The following ARK2N variants were observed in gnomAD, a reference collection of about 807,000 sequenced individuals.
The protein encoded by ARK2N is arkadia (RNF111) N-terminal like PKA signaling regulator 2N, also known as protein ARK2N.
At chr18:46,205,684 T>G in the ARK2N span, among the ~76,000 whole-genome samples, 1 of 152,210 alleles carries the variant, frequency 6.6e-6, no homozygotes, top group Non-Finnish European at 1.5e-5. Context: ...TCAAAATCTG[T>G]ATTTCTATAT....
At chr18:46,223,106 G>T in the ARK2N span, among the ~76,000 whole-genome samples, 2 of 152,250 alleles carry the variant, frequency 1.3e-5, no homozygotes, top group African/African-American at 4.8e-5. Context: ...TATTCATTGA[G>T]AAATAAGTAA....
the ARK2N span, among the ~76,000 whole-genome samples, chr18:46,248,841 C>T: frequency 5.9e-5 from 9 of 152,154 alleles, no homozygotes; most frequent in Admixed American, 5.9e-4. Flanking sequence ...CCTTGGCCTC[C>T]CAAAGTGGTG....
At chr18:46,223,876 T>G in the ARK2N span, among the ~76,000 whole-genome samples, 1 of 152,142 alleles carries the variant, frequency 6.6e-6, no homozygotes, top group African/African-American at 2.4e-5. Flanking sequence ...AAGCAGGATA[T>G]AAGAGATAAA....
At chr18:46,204,532 G>C in the ARK2N span, among the ~76,000 whole-genome samples, 100,327 of 152,072 alleles carry the variant, frequency 0.66, 33,812 homozygotes, top group Middle Eastern at 0.73. Flanking sequence ...AAAGCAACAT[G>C]GAATTCATGA....
the ARK2N span, among the ~76,000 whole-genome samples, chr18:46,248,916 A>G: frequency 6.6e-6 from 1 of 151,982 alleles, no homozygotes; most frequent in Non-Finnish European, 1.5e-5. Context: ...CCACCACACT[A>G]CTTTTCTACT....
At chr18:46,184,779 G>A in the ARK2N span, among the ~76,000 whole-genome samples, 7 of 152,246 alleles carry the variant, frequency 4.6e-5, no homozygotes, top group African/African-American at 1.7e-4. Context: ...TGAATGCAAT[G>A]GAGTCTCTTC....
chr18:46,177,385 C>G, the ARK2N span, among the ~76,000 whole-genome samples: 1 of 147,754 alleles, frequency 6.8e-6, no homozygotes, highest in African/African-American at 2.5e-5. Context: ...GTGAGAGCCC[C>G]TTTCTTTTTC....
the ARK2N span, among the ~76,000 whole-genome samples, chr18:46,260,329 A>G: frequency 1.3e-5 from 2 of 152,326 alleles, no homozygotes; most frequent in South Asian, 4.1e-4. Flanking sequence ...AATTCCATGT[A>G]CAACTATTAA....
At chr18:46,200,585 T>G in the ARK2N span, among the ~76,000 whole-genome samples, 1 of 152,092 alleles carries the variant, frequency 6.6e-6, no homozygotes, top group Non-Finnish European at 1.5e-5. Context: ...AGATTACAGA[T>G]GTGAGCCACC....
At chr18:46,245,988 A>G in the ARK2N span, among the ~76,000 whole-genome samples, 1 of 148,752 alleles carries the variant, frequency 6.7e-6, no homozygotes, top group Non-Finnish European at 1.5e-5. Context: ...AGACCTACAC[A>G]GGCAGAGACC....
chr18:46,253,841 G>A, the ARK2N span: 2 of 1,567,408 alleles, frequency 1.3e-6, no homozygotes, highest in Non-Finnish European at 1.7e-6. Context: ...ACTAATTGGA[G>A]TAGTCTGATA....
chr18:46,205,528 T>C, the ARK2N span, among the ~76,000 whole-genome samples: 1 of 152,222 alleles, frequency 6.6e-6, no homozygotes, highest in Non-Finnish European at 1.5e-5. Flanking sequence ...CCAAAAATAA[T>C]TCCTTGCCTA....
the ARK2N span, among the ~76,000 whole-genome samples, chr18:46,236,433 A>G: frequency 2.0e-5 from 3 of 152,252 alleles, no homozygotes; most frequent in Admixed American, 1.3e-4. Flanking sequence ...ATGGTTATTA[A>G]TTATTTAACA....
the ARK2N span, among the ~76,000 whole-genome samples, chr18:46,239,455 A>G: frequency 6.6e-6 from 1 of 152,180 alleles, no homozygotes; most frequent in Non-Finnish European, 1.5e-5. Flanking sequence ...CCCTGTTTTT[A>G]TAAAAGGACT....
the ARK2N span, chr18:46,265,200 T>G: frequency 1.3e-5 from 2 of 152,694 alleles, no homozygotes; most frequent in South Asian, 2.1e-4. Flanking sequence ...TCCAGGAAAT[T>G]CATAGAGAAG....
chr18:46,194,665 G>A, the ARK2N span, among the ~76,000 whole-genome samples: 7 of 149,770 alleles, frequency 4.7e-5, no homozygotes, highest in Non-Finnish European at 1.0e-4. Flanking sequence ...TAGTAGAGAC[G>A]GGGTTCCACC....
chr18:46,205,464 G>A, the ARK2N span, among the ~76,000 whole-genome samples: 2 of 152,116 alleles, frequency 1.3e-5, no homozygotes, highest in South Asian at 2.1e-4. Flanking sequence ...TCAAAAAAGC[G>A]CATTTCGAGA....
chr18:46,213,842 G>A, the ARK2N span, among the ~76,000 whole-genome samples: 97,830 of 151,812 alleles, frequency 0.64, 33,020 homozygotes, highest in Non-Finnish European at 0.75. Flanking sequence ...GACTACAGGC[G>A]CTCGCCACCA....
the ARK2N span, among the ~76,000 whole-genome samples, chr18:46,198,091 C>A: frequency 6.6e-6 from 1 of 151,860 alleles, no homozygotes; most frequent in Non-Finnish European, 1.5e-5. Flanking sequence ...CACTTGAGGT[C>A]GGGAGTTCAA....
Sources: allele counts gnomAD v4.1 joint callset (sites outside exome capture counted in the v4.1 genomes callset), GRCh38; gene constraint gnomAD v4.1.1; transcripts MANE v1.5; gene names NCBI Gene and HGNC (gene_info 2026-07-23, HGNC 2026-07-21).